Variants in ACAN observed in about 807,000 individuals in gnomAD.
The protein encoded by ACAN is aggrecan.
In ACAN, 47 loss-of-function variants were observed where a neutral mutation model predicts 169.1. The ratio of observed to expected loss-of-function variants is 0.28; its 90% CI spans 0.22 to 0.35. The LOEUF (loss-of-function observed/expected upper bound fraction) is 0.35, where lower values mean the gene tolerates loss of function less well. ACAN is among the 10% of genes least tolerant of loss of function. The pLI, the probability that ACAN is intolerant of heterozygous loss-of-function variation, is 1.00. For synonymous variants in ACAN, 1,115 were observed against 1,112.2 expected, an observed-to-expected ratio of 1.00 and a Z score of -0.05; for missense variants, 2,716 against 2,759.9, an observed-to-expected ratio of 0.98 and a Z score of 0.36.
intron 4 of ACAN, among the ~76,000 whole-genome samples, chr15:88,840,884 C>G (rs1308321537): frequency 6.6e-6 from 1 of 152,132 alleles, no homozygotes; most frequent in Non-Finnish European, 1.5e-5. Flanking sequence ...GTGGCTCATG[C>G]CTGTAATCCC....
At position 88,839,693 on chromosome 15, in the gene ACAN, C is replaced by A. The variant is rs757060792; in HGVS notation, c.455-319C>A. 6.6e-5 allele frequency among the ~76,000 whole-genome samples: 10 copies of A among 152,152 alleles called. No individual in the cohort carries two copies. The highest frequency in any genetic ancestry group is 9.7e-5 in the African/African-American group (4 of 41,418). On this transcript the variant is annotated intron_variant, in intron 3 of 18. Coordinates refer to ENST00000560601, the MANE Select transcript of ACAN (RefSeq NM_001369268.1). This position sits in a 1 kb window ranked among gnomAD's most constrained non-coding sequence, Gnocchi z 4.5. ...TTCTGAGTGTCTGTTTCTCTTAATG[C>A]AATATGGGGGTCTTGGAGTGATAAG...
At chr15:88,859,664 C>T (rs948157357) in intron 12 of ACAN, among the ~76,000 whole-genome samples, 2 of 152,230 alleles carry the variant, frequency 1.3e-5, no homozygotes, top group Non-Finnish European at 2.9e-5. Context: ...CTTAGCATCA[C>T]GCTCTGCATG....
Position 88,847,980 on chromosome 15 carries a change from T to C in ACAN, c.1674T>C (p.Tyr558=), listed in dbSNP as rs1302543991. Reference sequence around the variant, plus strand: ...ACAGCAGCCCAGGGGTCAGGACCTATGGCGTGCGCCCATCAACAGAGACCT... The same window carrying C: ...ACAGCAGCCCAGGGGTCAGGACCTACGGCGTGCGCCCATCAACAGAGACCT... ...DKDSSPGVRT[Y]GVRPSTETYD... is the part of the protein sequence containing the mutation. Residue 558 remains tyrosine (Y), a synonymous_variant, in exon 9 of 19, where the codon TAT becomes TAC. Coordinates refer to ENST00000560601, the MANE Select transcript of ACAN (RefSeq NM_001369268.1). 3.7e-6 allele frequency: 6 copies of C among 1,613,914 alleles called. No homozygotes were observed. The Admixed American group carries it at 8.3e-5, about 22-fold the overall frequency.
At position 88,872,100 on chromosome 15, in the gene ACAN, A is replaced by C. The variant is rs1897394748; in HGVS notation, c.7302+15A>C. The C allele has an allele frequency of 6.2e-7, 1 of 1,611,008 alleles. No individual in the cohort carries two copies. Among genetic ancestry groups the C allele is most frequent in the Admixed American group, 1.7e-5 (1 of 60,008 alleles). ...GACACCCCATGGTGAGTTCTGCTGT[A>C]GGCACAGCTGGTGGCCCAGGGGACA... On this transcript the variant is annotated intron_variant, in intron 16 of 18. Transcript: ENST00000560601. The surrounding 1 kb of genome is among the most constrained non-coding windows in gnomAD (Gnocchi z 5.4).
chr15:88,833,594 T>G (rs1209458119), intron 1 of ACAN, among the ~76,000 whole-genome samples: 1 of 152,092 alleles, frequency 6.6e-6, no homozygotes, highest in Non-Finnish European at 1.5e-5. Context: ...TTTCTCCCTA[T>G]TTTCTTTACA....
chr15:88,872,793 T>TG lies in ACAN; in HGVS notation c.7303-87dup, dbSNP rs1596157531. ...TGGTGCTAAAAGAGAAAGGAGATGA[T>TG]GAAGAGGCTCCACGGGGAAGACAGT... On this transcript the variant is annotated intron_variant, in intron 16 of 18. Transcript: ENST00000560601. The surrounding 1 kb of genome is among the most constrained non-coding windows in gnomAD (Gnocchi z 5.4). 13 of 1,465,534 alleles carry TG rather than the reference T, an allele frequency of 8.9e-6. No individual in the cohort carries two copies. The East Asian group carries it at 2.8e-4, about 31-fold the overall frequency. 90.8% of individuals were successfully genotyped at this position (1,465,534 alleles called of 1,614,324 possible).
At chr15:88,836,147 G>T in intron 1 of ACAN, 53 bp from the exon 2 acceptor site, 5 of 1,319,388 alleles carry the variant, frequency 3.8e-6, no homozygotes, top group Non-Finnish European at 5.4e-6. Context: ...GACTCTGCTT[G>T]ACCTCACCAT....
Position 88,847,391 on chromosome 15 carries a change from C to T in ACAN, c.1578C>T (p.Ala526=), listed in dbSNP as rs777385760. ...AAGCAGGCTATGAGCAGTGTGACGCCGGCTGGCTGCGGGACCAGACCGTCA... is the reference window on the plus strand; with the variant it reads ...AAGCAGGCTATGAGCAGTGTGACGCTGGCTGGCTGCGGGACCAGACCGTCA... ...AYEAGYEQCD[A]GWLRDQTVRY... is the part of the protein sequence containing the mutation. The change falls in exon 8 of 19, where the codon GCC becomes GCT. Residue 526 remains alanine, a synonymous_variant. Transcript: ENST00000560601. 23 of 1,581,874 alleles carry T rather than the reference C, an allele frequency of 1.5e-5. No homozygotes were observed. Among genetic ancestry groups the T allele is most frequent in the Admixed American group, 1.8e-5 (1 of 56,974 alleles).
At chr15:88,823,877 A>G (rs1457611602) in intron 1 of ACAN, among the ~76,000 whole-genome samples, 1 of 152,144 alleles carries the variant, frequency 6.6e-6, no homozygotes, top group Non-Finnish European at 1.5e-5. Flanking sequence ...AGGAGTGAGA[A>G]TGGATATTTC....
In ACAN at chr15:88,851,943, A is replaced by G; in HGVS notation, c.2176A>G (p.Thr726Ala). The change falls in exon 11 of 19, where the codon ACT becomes GCT. Residue 726 changes from threonine (T) to alanine (A), a missense_variant. By Grantham distance (58) the Thr-to-Ala change is moderately conservative. Around this residue, in one of 3 missense-constraint regions of ACAN, gnomAD observed 1,283 missense variants for 1,281.5 expected, o/e 1.00. Transcript: ENST00000560601. The surrounding 1 kb of genome is among the most constrained non-coding windows in gnomAD (Gnocchi z 4.3). ...EETTAVPSGE[T>A]TAILEFTTEP... ...GACAACTGCTGTACCCTCAGGGGAG[A>G]CTACTGCCATCCTAGAGTTCACCAC... 1 of 1,612,544 alleles carries G rather than the reference A, an allele frequency of 6.2e-7. No individual in the cohort carries two copies. The highest frequency in any genetic ancestry group is 8.5e-7 in the Non-Finnish European group (1 of 1,179,376).
Position 88,868,052 on chromosome 15 carries a change from G to GGCAGCA in ACAN, c.6947-145_6947-140dup, listed in dbSNP as rs541175678. On this transcript the variant is annotated intron_variant, in intron 13 of 18. Coordinates refer to ENST00000560601, the MANE Select transcript of ACAN (RefSeq NM_001369268.1). This position sits in a 1 kb window ranked among gnomAD's most constrained non-coding sequence, Gnocchi z 5.2. ...GATCTTTGCTTCAGCACTCCAAGAT[G>GGCAGCA]GCAGCAGCAGCAGCAGCAGCAGCAA... Among the ~76,000 whole-genome samples, 5 of 151,982 alleles carry GGCAGCA rather than the reference G, an allele frequency of 3.3e-5. No individual in the cohort carries two copies. The highest frequency in any genetic ancestry group is 4.8e-5 in the African/African-American group (2 of 41,364).
Position 88,858,715 on chromosome 15 carries a change from G to C in ACAN, c.6130G>C (p.Gly2044Arg). The change falls in exon 12 of 19, where the codon GGT becomes CGT. Residue 2044 changes from glycine to arginine, a missense_variant. Coordinates refer to ENST00000560601, the MANE Select transcript of ACAN (RefSeq NM_001369268.1). This position sits in a 1 kb window ranked among gnomAD's most constrained non-coding sequence, Gnocchi z 4.0. ...VTLITSEFVE[G>R]VTEPTISQEL... ...TTTAATCACTTCTGAGTTCGTGGAGGGTGTTACTGAACCAACTATTTCTCA... is the reference window on the plus strand; with the variant it reads ...TTTAATCACTTCTGAGTTCGTGGAGCGTGTTACTGAACCAACTATTTCTCA... The C allele has an allele frequency of 6.2e-7, 1 of 1,613,888 alleles. No homozygotes were observed. Among genetic ancestry groups the C allele is most frequent in the Non-Finnish European group, 8.5e-7 (1 of 1,179,882 alleles).
At position 88,858,856 on chromosome 15, in the gene ACAN, G is replaced by T. The variant is rs776423623; in HGVS notation, c.6271G>T (p.Val2091Leu). 1.2e-5 allele frequency: 20 copies of T among 1,612,950 alleles called. No homozygotes were observed. Among genetic ancestry groups the T allele is most frequent in the Non-Finnish European group, 1.7e-5 (20 of 1,179,282 alleles). The change falls in exon 12 of 19, where the codon GTA becomes TTA. Residue 2091 changes from valine (V) to leucine (L), a missense_variant. By Grantham distance (32) the Val-to-Leu change is conservative. Transcript: ENST00000560601. This position sits in a 1 kb window ranked among gnomAD's most constrained non-coding sequence, Gnocchi z 4.0. Reference protein sequence around the residue: ...GATPVLPGSGVEVSSVPESSS... With the variant: ...GATPVLPGSGLEVSSVPESSS... ...TACCCCAGTGCTCCCTGGGTCTGGA[G>T]TAGAAGTATCATCAGTCCCAGAATC...
rs58267198 is a variant in ACAN at position 88,815,656 on chromosome 15, TAAAA to T, written c.-8+11868_-8+11871del. 1.5e-4 allele frequency among the ~76,000 whole-genome samples: 8 copies of T among 54,212 alleles called. No individual in the cohort carries two copies. The South Asian group carries it at 5.6e-3, about 38-fold the overall frequency. 35.6% of individuals were successfully genotyped at this position (54,212 alleles called of 152,430 possible). On this transcript the variant is annotated intron_variant, in intron 1 of 18. Transcript: ENST00000560601. ...AAGACATGAAATGTTCTGCACTGAT[TAAAA>T]AAAAAAAAAAAAAAAAAAAAGAAGG...
chr15:88,874,462 GC>G lies in ACAN; in HGVS notation c.7692del (p.Ser2565AlafsTer44). ...KRSSRHPRRS[R>X]PSTAH ...AGCTCACGGCACCCTCGGAGGAGCCGCCCCAGCACAGCCCACTGAGAAGAGC... is the reference window on the plus strand; with the variant it reads ...AGCTCACGGCACCCTCGGAGGAGCCGCCCAGCACAGCCCACTGAGAAGAGC... On this transcript the variant is annotated frameshift_variant, in exon 19 of 19. Coordinates refer to ENST00000560601, the MANE Select transcript of ACAN (RefSeq NM_001369268.1). LOFTEE classifies it high-confidence loss of function. This position sits in a 1 kb window ranked among gnomAD's most constrained non-coding sequence, Gnocchi z 7.3. The G allele has an allele frequency of 6.2e-7, 1 of 1,604,592 alleles. No individual in the cohort carries two copies. Among genetic ancestry groups the G allele is most frequent in the Non-Finnish European group, 8.5e-7 (1 of 1,176,044 alleles).
intron 9 of ACAN, 102 bp downstream of exon 9, chr15:88,848,140 C>T (rs1896841183): frequency 6.7e-7 from 1 of 1,482,634 alleles, no homozygotes; most frequent in Non-Finnish European, 9.1e-7. Context: ...ACCCACCCAC[C>T]CCTGATTCCA....
rs1897356534 is a variant in ACAN at position 88,870,582 on chromosome 15, G to C, written c.7061-800G>C. Among the ~76,000 whole-genome samples, 1 of 152,148 alleles carries C rather than the reference G, an allele frequency of 6.6e-6. No individual in the cohort carries two copies. The highest frequency in any genetic ancestry group is 2.4e-5 in the African/African-American group (1 of 41,444). ...ACTAACAATGAGCTCTCTCAAAGCT[G>C]AGTGAGCCAGCTCAGCATGGCTCCG... On this transcript the variant is annotated intron_variant, in intron 14 of 18. Coordinates refer to ENST00000560601, the MANE Select transcript of ACAN (RefSeq NM_001369268.1). This position sits in a 1 kb window ranked among gnomAD's most constrained non-coding sequence, Gnocchi z 6.3.
At chr15:88,822,850 TGACTAGATCCAAG>T (rs1333447733) in intron 1 of ACAN, among the ~76,000 whole-genome samples, 2 of 152,304 alleles carry the variant, frequency 1.3e-5, no homozygotes, top group East Asian at 3.9e-4. Flanking sequence ...TTCTTACCTT[TGACTAGATCCAAG>T]GACTAAACTC....
At position 88,873,045 on chromosome 15, in the gene ACAN, G is replaced by A. The variant is rs754414808; in HGVS notation, c.7447+20G>A. On this transcript the variant is annotated intron_variant, in intron 17 of 18. Transcript: ENST00000560601. The surrounding 1 kb of genome is among the most constrained non-coding windows in gnomAD (Gnocchi z 7.5). Reference sequence around the variant, plus strand: ...GCACAGGTAAGCTGGCGCCTGGGAGGGGTCAGGGGAGGATAGGATCAAGAC... The same window carrying A: ...GCACAGGTAAGCTGGCGCCTGGGAGAGGTCAGGGGAGGATAGGATCAAGAC... The A allele has an allele frequency of 6.2e-7, 1 of 1,608,956 alleles. No individual in the cohort carries two copies. Among genetic ancestry groups the A allele is most frequent in the South Asian group, 1.1e-5 (1 of 90,050 alleles).
Sources: gnomAD v4.1 joint callset for allele counts (sites outside exome capture counted in the v4.1 genomes callset) on GRCh38, gnomAD v4.1.1 for gene constraint, gnomAD v4.1.1 regional missense constraint, Gnocchi (gnomAD v3.1) non-coding constraint, MANE v1.5 for transcripts, NCBI Gene and HGNC (gene_info 2026-07-23, HGNC 2026-07-21) for gene names.